The following PTPRZ1 variants were observed in gnomAD, a reference collection of about 807,000 sequenced individuals.
PTPRZ1 encodes the protein receptor-type tyrosine-protein phosphatase zeta.
PTPRZ1 carries 82 observed loss-of-function variants against 214.1 expected under a neutral mutation model. The observed-to-expected ratio is 0.38, with a 90% confidence interval of 0.32 to 0.46. The LOEUF (loss-of-function observed/expected upper bound fraction) is 0.46. Among genes scored for constraint, PTPRZ1 ranks in the 20% least tolerant of loss-of-function variants. The probability of loss-of-function intolerance (pLI) is 1.00; values close to 1 mark genes in which losing one functional copy is unlikely to be tolerated. For missense variants in PTPRZ1, 2,603 were observed against 2,748.7 expected (o/e 0.95, Z 1.19); for synonymous variants, 945 against 987.9 (o/e 0.96, Z 0.81).
intron 4 of PTPRZ1, among the ~76,000 whole-genome samples, chr7:121,973,542 A>G (rs925561005): frequency 1.4e-4 from 22 of 152,166 alleles, no homozygotes; most frequent in African/African-American, 5.3e-4. Context: ...TAACTTACCA[A>G]TGCTTCCATT....
At chr7:122,039,411 A>G in intron 19 of PTPRZ1, 43 bp from the exon 20 acceptor site, 1 of 1,599,866 alleles carries the variant, frequency 6.3e-7, no homozygotes, top group Non-Finnish European at 8.5e-7. Context: ...TTTTACATGG[A>G]GCATTTGAAA....
chr7:121,883,057 T>C (rs1775874093), intron 1 of PTPRZ1, among the ~76,000 whole-genome samples: 1 of 152,066 alleles, frequency 6.6e-6, no homozygotes. Flanking sequence ...CAGAAGTTGA[T>C]AACTTGGAGG....
rs1188252148 is a variant in PTPRZ1 at position 122,013,354 on chromosome 7, C to T, written c.4308C>T (p.Gly1436=). 9.9e-6 allele frequency: 16 copies of T among 1,613,892 alleles called. No individual in the cohort carries two copies. Among genetic ancestry groups the T allele is most frequent in the Non-Finnish European group, 1.4e-5 (16 of 1,180,016 alleles). Residue 1436 remains glycine, a synonymous_variant, in exon 12 of 30, where the codon GGC becomes GGT. Transcript: ENST00000393386. ...DDDDDDRGSD[G]LSIHKCMSCS... ...ATGATGATGACAGAGGTAGTGATGG[C>T]TTATCCATTCATAAGTGTATGTCAT...
At chr7:122,037,417 G>C (rs1799583624) in intron 18 of PTPRZ1, among the ~76,000 whole-genome samples, 1 of 152,156 alleles carries the variant, frequency 6.6e-6, no homozygotes, top group South Asian at 2.1e-4. Context: ...TATTAATCCA[G>C]TTATCAACCT....
intron 23 of PTPRZ1, among the ~76,000 whole-genome samples, chr7:122,046,290 C>A (rs1791979014): frequency 6.6e-6 from 1 of 152,042 alleles, no homozygotes; most frequent in African/African-American, 2.4e-5. Flanking sequence ...AGCCTGTAGT[C>A]CTAGCTACTT....
chr7:121,974,680 G>A (rs1415332614), intron 4 of PTPRZ1, among the ~76,000 whole-genome samples: 1 of 151,858 alleles, frequency 6.6e-6, no homozygotes, highest in African/African-American at 2.4e-5. Flanking sequence ...AGTAGAGACG[G>A]AGTTTCACTA....
intron 1 of PTPRZ1, among the ~76,000 whole-genome samples, chr7:121,887,495 C>T (rs1794431745): frequency 6.6e-6 from 1 of 152,034 alleles, no homozygotes; most frequent in African/African-American, 2.4e-5. Flanking sequence ...GAAAGTAGGT[C>T]AATCAAATCA....
At chr7:121,890,669 A>C (rs2116211526) in intron 1 of PTPRZ1, among the ~76,000 whole-genome samples, 1 of 152,018 alleles carries the variant, frequency 6.6e-6, no homozygotes, top group East Asian at 1.9e-4. Context: ...TTTTTTAAAA[A>C]ATTACTTTAT....
chr7:122,028,487 C>G (rs1282808426), intron 13 of PTPRZ1, 65 bp from the exon 14 acceptor site: 1 of 1,231,806 alleles, frequency 8.1e-7, no homozygotes, highest in African/African-American at 1.5e-5. Flanking sequence ...AATTTTCAAG[C>G]AGCTCAGAAA....
rs532272778 is a variant in PTPRZ1 at position 122,055,004 on chromosome 7, G to A, written c.6445G>A (p.Val2149Ile). ...DEPINCESFKVTLMAEEHKCL... is the reference protein window; with the variant it reads ...DEPINCESFKITLMAEEHKCL... ...GCCTATAAATTGTGAGAGCTTTAAGGTCACTCTTATGGCTGAAGAACACAA... is the reference window on the plus strand; with the variant it reads ...GCCTATAAATTGTGAGAGCTTTAAGATCACTCTTATGGCTGAAGAACACAA... The change falls in exon 27 of 30, where the codon GTC becomes ATC. Residue 2149 changes from valine (V) to isoleucine (I), a missense_variant. By Grantham distance (29) the Val-to-Ile change is conservative. Transcript: ENST00000393386. The A allele has an allele frequency of 2.6e-5, 42 of 1,607,746 alleles. No individual in the cohort carries two copies. Among genetic ancestry groups the A allele is most frequent in the Non-Finnish European group, 3.5e-5 (41 of 1,175,498 alleles).
At position 121,873,554 on chromosome 7, in the gene PTPRZ1, C is replaced by G. The variant is rs1436661542; in HGVS notation, c.55C>G (p.Leu19Val). Residue 19 changes from leucine to valine, a missense_variant, in exon 1 of 30, where the codon CTG becomes GTG. Around this residue, in one of 6 missense-constraint regions of PTPRZ1, gnomAD observed 141 missense variants for 143.7 expected, o/e 0.98. Coordinates refer to ENST00000393386, the MANE Select transcript of PTPRZ1 (RefSeq NM_002851.3). ...CATTCAGCTCCTCTGTGTTTGCCGC[C>G]TGGGTGAGTGAGAAGAGCTCGGTGG... is the stretch of plus-strand genomic sequence containing the variant. ...ACIQLLCVCR[L>V]DWANGYYRQQ... 6.2e-7 allele frequency: 1 copy of G among 1,613,750 alleles called. No individual in the cohort carries two copies. The highest frequency in any genetic ancestry group is 1.3e-5 in the African/African-American group (1 of 74,946).
Position 121,976,127 on chromosome 7 carries a change from TA to T in PTPRZ1, c.457-45del, listed in dbSNP as rs544595732. 5.7e-4 allele frequency: 743 copies of T among 1,294,810 alleles called. 4 individuals carry two copies. Among genetic ancestry groups the T allele is most frequent in the Non-Finnish European group, 4.6e-4 (423 of 914,232 alleles). 80.2% of individuals were successfully genotyped at this position (1,294,810 alleles called of 1,614,324 possible). ...ATGTAGAATTCTCTTTGCTGATTTTTATGAAGTCTTTGTGTATCATAAAACT... is the reference window on the plus strand; with the variant it reads ...ATGTAGAATTCTCTTTGCTGATTTTTTGAAGTCTTTGTGTATCATAAAACT... On this transcript the variant is annotated intron_variant, in intron 4 of 29. Coordinates refer to ENST00000393386, the MANE Select transcript of PTPRZ1 (RefSeq NM_002851.3).
At chr7:121,974,538 A>T (rs894188325) in intron 4 of PTPRZ1, among the ~76,000 whole-genome samples, 2 of 152,114 alleles carry the variant, frequency 1.3e-5, no homozygotes, top group African/African-American at 4.8e-5. Context: ...CCCAGGCTGG[A>T]GTGCAATGGC....
At chr7:121,914,839 G>A (rs1190789211) in intron 1 of PTPRZ1, among the ~76,000 whole-genome samples, 1 of 152,122 alleles carries the variant, frequency 6.6e-6, no homozygotes, top group Non-Finnish European at 1.5e-5. Flanking sequence ...GATGTGAGAT[G>A]TGTAACTTTC....
At chr7:121,927,661 C>A (rs942656104) in intron 1 of PTPRZ1, among the ~76,000 whole-genome samples, 1 of 152,094 alleles carries the variant, frequency 6.6e-6, no homozygotes, top group South Asian at 2.1e-4. Context: ...ACTTTCTGAC[C>A]GCAGCTAATT....
chr7:121,997,267 A>G (rs1437874885), intron 9 of PTPRZ1, among the ~76,000 whole-genome samples: 1 of 152,186 alleles, frequency 6.6e-6, no homozygotes, highest in African/African-American at 2.4e-5. Context: ...TCAGGCACCT[A>G]GAGTCCTGCA....
intron 3 of PTPRZ1, among the ~76,000 whole-genome samples, chr7:121,969,898 C>T (rs1797178978): frequency 6.6e-6 from 1 of 151,162 alleles, no homozygotes; most frequent in South Asian, 2.1e-4. Flanking sequence ...GTGTGCTGCA[C>T]CCATTAACTT....
At chr7:121,897,675 G>T (rs1335802722) in intron 1 of PTPRZ1, among the ~76,000 whole-genome samples, 2 of 152,112 alleles carry the variant, frequency 1.3e-5, no homozygotes, top group African/African-American at 4.8e-5. Context: ...CTGACCCGTG[G>T]TCTTCCTGCC....
intron 1 of PTPRZ1, chr7:121,908,970 T>G (rs1247964813): frequency 1.9e-6 from 1 of 516,810 alleles, no homozygotes; most frequent in Non-Finnish European, 3.9e-6. Context: ...ATGTTAGACT[T>G]TAGTATTGTC....
Sources: allele counts gnomAD v4.1 joint callset (sites outside exome capture counted in the v4.1 genomes callset), GRCh38; gene constraint gnomAD v4.1.1; regional missense constraint gnomAD v4.1.1; transcripts MANE v1.5; gene names NCBI Gene and HGNC (gene_info 2026-07-23, HGNC 2026-07-21).